The following TEX2 variants were observed in gnomAD, a reference collection of about 807,000 sequenced individuals.
TEX2 encodes testis expressed 2.
In TEX2, 53 loss-of-function variants were observed where a neutral mutation model predicts 106.9. The ratio of observed to expected loss-of-function variants is 0.50; its 90% CI spans 0.40 to 0.62. The LOEUF is 0.62. Among genes scored for constraint, TEX2 ranks in the 20% least tolerant of loss-of-function variants. TEX2 has a pLI of 0.00. For missense variants in TEX2, 1,207 were observed against 1,379.0 expected (o/e 0.88, Z 1.98); for synonymous variants, 523 against 534.8 (o/e 0.98, Z 0.30).
chr17:64,164,386 C>T (rs890765511), intron 7 of TEX2, among the ~76,000 whole-genome samples: 4 of 151,482 alleles, frequency 2.6e-5, no homozygotes, highest in African/African-American at 9.7e-5. Flanking sequence ...TGCAGTGAGC[C>T]GCGATCGCCC....
At chr17:64,228,999 ATTAAC>A (rs1555634279) in intron 1 of TEX2, among the ~76,000 whole-genome samples, 3 of 151,216 alleles carry the variant, frequency 2.0e-5, no homozygotes, top group Non-Finnish European at 2.9e-5. Flanking sequence ...GTATGCCACT[ATTAAC>A]TTAATCATTT....
intron 1 of TEX2, among the ~76,000 whole-genome samples, chr17:64,238,960 T>C (rs1326772197): frequency 1.3e-5 from 2 of 152,184 alleles, no homozygotes; most frequent in Non-Finnish European, 2.9e-5. Context: ...AAAAAAGGAA[T>C]TAGCTTTTAT....
At chr17:64,152,646 G>T (rs1036042056) in intron 10 of TEX2, among the ~76,000 whole-genome samples, 4 of 152,222 alleles carry the variant, frequency 2.6e-5, no homozygotes, top group Non-Finnish European at 4.4e-5. Flanking sequence ...ATTACTGGCA[G>T]AACAGTTGGC....
At chr17:64,192,935 C>T (rs1416033547) in intron 4 of TEX2, among the ~76,000 whole-genome samples, 1 of 152,206 alleles carries the variant, frequency 6.6e-6, no homozygotes, top group African/African-American at 2.4e-5. Context: ...TTATTTGTTA[C>T]ACCACACTCA....
chr17:64,234,858 C>A (rs1052285051), intron 1 of TEX2, among the ~76,000 whole-genome samples: 8 of 152,142 alleles, frequency 5.3e-5, no homozygotes, highest in East Asian at 1.9e-4. Flanking sequence ...TACAAAGATA[C>A]AATGGTTATT....
At position 64,153,831 on chromosome 17, in the gene TEX2, C is replaced by G. The variant is rs1350831486; in HGVS notation, c.2931-677G>C. 6.6e-6 allele frequency among the ~76,000 whole-genome samples: 1 copy of G among 152,102 alleles called. No individual in the cohort carries two copies. The highest frequency in any genetic ancestry group is 2.4e-5 in the African/African-American group (1 of 41,414). ...TCTGTAGTCCCAGCTACTCGGGAGGCTAAAATGGGAGGATCACTTGAGCCC... is the reference window on the plus strand; with the variant it reads ...TCTGTAGTCCCAGCTACTCGGGAGGGTAAAATGGGAGGATCACTTGAGCCC... On this transcript the variant is annotated intron_variant, in intron 9 of 11. Coordinates refer to ENST00000584379, the MANE Select transcript of TEX2 (RefSeq NM_001288732.2). The surrounding 1 kb of genome is among the most constrained non-coding windows in gnomAD (Gnocchi z 4.1).
chr17:64,152,031 A>C (rs567156436), intron 10 of TEX2, among the ~76,000 whole-genome samples: 53 of 152,206 alleles, frequency 3.5e-4, no homozygotes, highest in Non-Finnish European at 6.5e-4. Context: ...ATTATCGTTA[A>C]ATGGTTAGTC....
intron 2 of TEX2, among the ~76,000 whole-genome samples, chr17:64,207,884 C>T (rs1465887677): frequency 6.6e-6 from 1 of 152,118 alleles, no homozygotes; most frequent in African/African-American, 2.4e-5. Flanking sequence ...TACAGGCACC[C>T]GCCACCACGC....
intron 1 of TEX2, among the ~76,000 whole-genome samples, chr17:64,262,852 G>A (rs2034319685): frequency 6.6e-6 from 1 of 152,206 alleles, no homozygotes; most frequent in Non-Finnish European, 1.5e-5. Context: ...CCTCTAGTTT[G>A]CGCGTGACGG....
chr17:64,154,801 T>TCGA, intron 9 of TEX2, 41 bp downstream of exon 9: 2 of 1,528,048 alleles, frequency 1.3e-6, no homozygotes, highest in South Asian at 2.5e-5. Flanking sequence ...GCTGTCCTGA[T>TCGA]CCCTGGAGAC....
rs115950083 is a variant in TEX2 at position 64,164,130 on chromosome 17, C to T, written c.2672-3197G>A. ...GTAACCAGTGGCACCCGATTATTAA[C>T]GAGCCCCTATAAAACTGGCACTTCA... On this transcript the variant is annotated intron_variant, in intron 7 of 11. Coordinates refer to ENST00000584379, the MANE Select transcript of TEX2 (RefSeq NM_001288732.2). Among the ~76,000 whole-genome samples, 7 of 152,202 alleles carry T rather than the reference C, an allele frequency of 4.6e-5. No individual in the cohort carries two copies. In the East Asian group the frequency reaches 1.4e-3, roughly 29 times the overall value.
intron 5 of TEX2, among the ~76,000 whole-genome samples, chr17:64,179,695 A>G (rs2031770424): frequency 6.6e-6 from 1 of 152,102 alleles, no homozygotes; most frequent in African/African-American, 2.4e-5. Context: ...TCACTGCATG[A>G]CTTTATATTT....
chr17:64,213,970 T>C lies in TEX2; in HGVS notation c.248A>G (p.His83Arg), dbSNP rs2033109001. 6.2e-7 allele frequency: 1 copy of C among 1,614,170 alleles called. No homozygotes were observed. ...EDLYLEPQVG[H>R]DPAGPAASPV... ...CGAGGCAGCAGGGCCGGCGGGGTCA[T>C]GGCCAACTTGGGGTTCAAGATAGAG... The change falls in exon 2 of 12, where the codon CAT (histidine) becomes CGT (arginine). Residue 83 changes from histidine (H) to arginine (R), a missense_variant. By Grantham distance (29) the His-to-Arg change is conservative (BLOSUM62 0). Transcript: ENST00000584379. The surrounding 1 kb of genome is among the most constrained non-coding windows in gnomAD (Gnocchi z 4.4).
At chr17:64,257,539 G>C (rs1198356928) in intron 1 of TEX2, among the ~76,000 whole-genome samples, 1 of 152,214 alleles carries the variant, frequency 6.6e-6, no homozygotes, top group Non-Finnish European at 1.5e-5. Context: ...GTAGTGTCAT[G>C]AAATTTCTCA....
Position 64,213,911 on chromosome 17 carries a change from C to T in TEX2, c.307G>A (p.Ala103Thr). 1 of 1,614,214 alleles carries T rather than the reference C, an allele frequency of 6.2e-7. No homozygotes were observed. The highest frequency in any genetic ancestry group is 8.5e-7 in the Non-Finnish European group (1 of 1,180,042). Reference protein sequence around the residue: ...VLADGLSVSQAPAILPVSKNT... With the variant: ...VLADGLSVSQTPAILPVSKNT... Reference sequence around the variant, plus strand: ...TTGGAGACGGGCAAAATGGCAGGGGCCTGGGACACGGACAGTCCATCTGCC... The same window carrying T: ...TTGGAGACGGGCAAAATGGCAGGGGTCTGGGACACGGACAGTCCATCTGCC... The change falls in exon 2 of 12, where the codon GCC (alanine) becomes ACC (threonine). Residue 103 changes from alanine to threonine, a missense_variant. Transcript: ENST00000584379. The surrounding 1 kb of genome is among the most constrained non-coding windows in gnomAD (Gnocchi z 4.4).
chr17:64,239,928 A>ATAATGT (rs1287271412), intron 1 of TEX2, among the ~76,000 whole-genome samples: 5 of 151,086 alleles, frequency 3.3e-5, no homozygotes, highest in African/African-American at 4.9e-5. Context: ...GAGAAGAGAA[A>ATAATGT]TAATGTTATC....
chr17:64,164,940 G>A (rs564729898), intron 7 of TEX2, among the ~76,000 whole-genome samples: 11 of 152,270 alleles, frequency 7.2e-5, no homozygotes, highest in African/African-American at 2.2e-4. Context: ...TTACTATTTA[G>A]GCATCTGTCT....
At chr17:64,218,816 A>G (rs558574301) in intron 1 of TEX2, among the ~76,000 whole-genome samples, 86 of 152,142 alleles carry the variant, frequency 5.7e-4, no homozygotes, top group African/African-American at 2.0e-3. Context: ...CGGGACCCCA[A>G]AGGACTACAG....
At chr17:64,214,486 T>C (rs1269746484) in intron 1 of TEX2, among the ~76,000 whole-genome samples, 2 of 152,234 alleles carry the variant, frequency 1.3e-5, no homozygotes, top group African/African-American at 4.8e-5. Context: ...TCTGTCTTAC[T>C]TCACAACACC....
Sources: allele counts gnomAD v4.1 joint callset (sites outside exome capture counted in the v4.1 genomes callset), GRCh38; gene constraint gnomAD v4.1.1; non-coding constraint Gnocchi (gnomAD v3.1); transcripts MANE v1.5; gene names NCBI Gene and HGNC (gene_info 2026-07-23, HGNC 2026-07-21).